NAA15: variants seen among roughly 807,000 people sequenced by gnomAD.
The protein encoded by NAA15 is N-alpha-acetyltransferase 15, NatA auxiliary subunit, also known as N-terminal acetyltransferase.
In NAA15, 34 loss-of-function variants were observed where a neutral mutation model predicts 114.0. The observed-to-expected ratio is 0.30, with a 90% confidence interval of 0.23 to 0.40. NAA15 has a LOEUF of 0.40. Ranked by LOEUF, NAA15 falls within the 10% of genes least tolerant of loss-of-function variation. The pLI is 1.00. For synonymous variants in NAA15, 340 were observed against 338.0 expected (o/e 1.01, Z -0.06); for missense variants, 658 against 1,004.5 (o/e 0.66, Z 4.66).
intron 1 of NAA15, 140 bp downstream of exon 1, chr4:139,301,971 T>C: frequency 1.1e-6 from 1 of 876,976 alleles, no homozygotes; most frequent in South Asian, 1.8e-5. Flanking sequence ...CCGAATGCAT[T>C]GCTTTGCTCC....
intron 3 of NAA15, among the ~76,000 whole-genome samples, chr4:139,339,553 A>G (rs1747317501): frequency 6.6e-6 from 1 of 152,074 alleles, no homozygotes; most frequent in Non-Finnish European, 1.5e-5. Context: ...GATCAAGACC[A>G]TCCTGGCCAA....
intron 6 of NAA15, 126 bp from the exon 7 acceptor site, chr4:139,349,336 A>G (rs544379543): frequency 1.3e-5 from 10 of 752,000 alleles, no homozygotes; most frequent in Non-Finnish European, 2.0e-5. Context: ...AACTGGAACC[A>G]GGTCCATCCA....
chr4:139,351,243 C>A lies in NAA15; in HGVS notation c.864C>A (p.Pro288=). Residue 288 remains proline (P), a synonymous_variant, in exon 8 of 20, where the codon CCC becomes CCA. Coordinates refer to ENST00000296543, the MANE Select transcript of NAA15 (RefSeq NM_057175.5). The part of the protein sequence containing the change: ...KIYEEAWTKY[P]RGLVPRRLPL... The stretch of plus-strand genomic sequence containing the variant: ...ATGAGGAAGCCTGGACTAAATATCC[C>A]AGGGGACTGGTGCCAAGAAGGCTGC... The A allele has an allele frequency of 1.2e-6, 2 of 1,609,802 alleles. No homozygotes were observed.
chr4:139,349,957 C>A (rs552663022), intron 7 of NAA15, among the ~76,000 whole-genome samples: 4 of 151,654 alleles, frequency 2.6e-5, no homozygotes, highest in Admixed American at 6.6e-5. Flanking sequence ...CTGCATTCCA[C>A]CCTGGGCAAC....
chr4:139,351,312 T>A (rs1373431810), intron 8 of NAA15, 26 bp downstream of exon 8: 1 of 1,453,624 alleles, frequency 6.9e-7, no homozygotes, highest in Non-Finnish European at 9.6e-7. Flanking sequence ...TGCAAAGGAA[T>A]AGAAATGCTT....
At chr4:139,320,096 T>G (rs1234465058) in intron 1 of NAA15, among the ~76,000 whole-genome samples, 2 of 152,228 alleles carry the variant, frequency 1.3e-5, no homozygotes, top group African/African-American at 4.8e-5. Context: ...ATCTTTGCAT[T>G]GGTATCTGTT....
At chr4:139,315,023 TAGG>T (rs1560952905) in intron 1 of NAA15, among the ~76,000 whole-genome samples, 19,863 of 129,134 alleles carry the variant, frequency 0.15, 2,917 homozygotes, top group Non-Finnish European at 0.18. Flanking sequence ...TAGGTTAGGT[TAGG>T]TTAGGTTAGG....
chr4:139,367,578 T>C (rs905200523), intron 14 of NAA15, among the ~76,000 whole-genome samples: 1 of 152,178 alleles, frequency 6.6e-6, no homozygotes, highest in African/African-American at 2.4e-5. Flanking sequence ...TCTTAGAAGT[T>C]TTATTGTTTG....
chr4:139,372,928 C>T (rs1333188663), intron 15 of NAA15, among the ~76,000 whole-genome samples: 1 of 151,826 alleles, frequency 6.6e-6, no homozygotes, highest in Admixed American at 6.6e-5. Flanking sequence ...GCTCTGTCAC[C>T]CAGGCTAGAG....
At chr4:139,309,982 T>A (rs1200849730) in intron 1 of NAA15, among the ~76,000 whole-genome samples, 1 of 152,090 alleles carries the variant, frequency 6.6e-6, no homozygotes, top group African/African-American at 2.4e-5. Flanking sequence ...TAATGAACAG[T>A]TTCCAGAGGG....
chr4:139,325,798 C>T (rs1746781826), intron 1 of NAA15, among the ~76,000 whole-genome samples: 4 of 152,110 alleles, frequency 2.6e-5, no homozygotes, highest in Non-Finnish European at 4.4e-5. Flanking sequence ...ACAGGCATGC[C>T]ACCATGCCCA....
At chr4:139,385,283 A>AAT (rs35008407) in intron 18 of NAA15, among the ~76,000 whole-genome samples, 26,100 of 100,136 alleles carry the variant, frequency 0.26, 3,850 homozygotes, top group South Asian at 0.43. Context: ...ATATATATAT[A>AAT]ATATATATAT....
intron 2 of NAA15, among the ~76,000 whole-genome samples, chr4:139,336,333 ATC>A (rs1747199390): frequency 6.6e-6 from 1 of 152,128 alleles, no homozygotes; most frequent in South Asian, 2.1e-4. Flanking sequence ...GATTTCTGAC[ATC>A]TTTTTCTTGT....
Position 139,385,096 on chromosome 4 carries a change from G to T in NAA15, c.2302+118G>T, listed in dbSNP as rs1748858699. 9 of 852,676 alleles carry T rather than the reference G, an allele frequency of 1.1e-5. No individual in the cohort carries two copies. The South Asian group carries it at 3.5e-4, about 33-fold the overall frequency. 52.8% of individuals were successfully genotyped at this position (852,676 alleles called of 1,614,324 possible). On this transcript the variant is annotated intron_variant, in intron 18 of 19. Transcript: ENST00000296543. ...AGAGGCAGTGTGTATATGTTACATT[G>T]TGATCGTATGAAAACAGGCAGCTTA...
chr4:139,325,395 A>G (rs1746763253), intron 1 of NAA15, among the ~76,000 whole-genome samples: 1 of 152,206 alleles, frequency 6.6e-6, no homozygotes, highest in African/African-American at 2.4e-5. Context: ...AAATTTTGCC[A>G]CTAGTTAGGT....
At chr4:139,317,361 C>T (rs1000178423) in intron 1 of NAA15, among the ~76,000 whole-genome samples, 2 of 152,080 alleles carry the variant, frequency 1.3e-5, no homozygotes, top group South Asian at 2.1e-4. Context: ...CGGTGGCTGA[C>T]GCCTGTAATC....
rs543152791 is a variant in NAA15 at position 139,389,730 on chromosome 4, CAT to C, written c.*1647_*1648del. 3.6e-3 allele frequency: 554 copies of C among 152,568 alleles called. 3 individuals carry two copies. The highest frequency in any genetic ancestry group is 5.6e-3 in the South Asian group (27 of 4,826). 9.5% of individuals were successfully genotyped at this position (152,568 alleles called of 1,614,324 possible). On this transcript the variant is annotated 3_prime_UTR_variant, in exon 20 of 20. Coordinates refer to ENST00000296543, the MANE Select transcript of NAA15 (RefSeq NM_057175.5). ...ATATATAATTGACCTTTTTGTGGAA[CAT>C]GTAGTTTATAGAAAGTATACTCTAA...
At chr4:139,340,441 T>C (rs1747344145) in intron 3 of NAA15, among the ~76,000 whole-genome samples, 1 of 152,166 alleles carries the variant, frequency 6.6e-6, no homozygotes, top group South Asian at 2.1e-4. Context: ...TCTTGTTAGT[T>C]CAAGAAAATA....
intron 10 of NAA15, 115 bp from the exon 11 acceptor site, chr4:139,357,271 A>G (rs981941844): frequency 5.4e-5 from 46 of 844,276 alleles, no homozygotes; most frequent in Non-Finnish European, 7.4e-5. Flanking sequence ...AGCTAGATAC[A>G]TAAATAAACT....
Sources: gnomAD v4.1 joint callset for allele counts (sites outside exome capture counted in the v4.1 genomes callset) on GRCh38, gnomAD v4.1.1 for gene constraint, MANE v1.5 for transcripts, NCBI Gene and HGNC (gene_info 2026-07-23, HGNC 2026-07-21) for gene names.